Variants in FBXL7 observed in about 807,000 individuals in gnomAD.
FBXL7 encodes the protein F-box/LRR-repeat protein 7.
A neutral mutation model predicts 38.3 loss-of-function variants in FBXL7; 12 were observed. The observed-to-expected ratio is 0.31, with a 90% CI of 0.20 to 0.51. The LOEUF is 0.51. FBXL7 is among the 20% of genes least tolerant of loss of function. FBXL7 has a pLI of 0.98. For missense variants in FBXL7, 567 were observed against 676.4 expected, an observed-to-expected ratio of 0.84 and a Z score of 1.79; for synonymous variants, 297 against 300.9, an observed-to-expected ratio of 0.99 and a Z score of 0.13.
chr5:15,520,578 TTTAG>T (rs1235629625), intron 1 of FBXL7, among the ~76,000 whole-genome samples: 5 of 152,346 alleles, frequency 3.3e-5, no homozygotes, highest in Admixed American at 6.5e-5. Flanking sequence ...ATCCTGTAGT[TTTAG>T]TTAGTTCACT....
intron 1 of FBXL7, among the ~76,000 whole-genome samples, chr5:15,613,187 G>A (rs529842450): frequency 6.6e-6 from 1 of 152,258 alleles, no homozygotes; most frequent in East Asian, 1.9e-4. Flanking sequence ...TAAAGTAATG[G>A]ACTCAAAGAA....
intron 2 of FBXL7, among the ~76,000 whole-genome samples, chr5:15,821,070 C>T (rs1007816858): frequency 6.6e-6 from 1 of 152,108 alleles, no homozygotes; most frequent in African/African-American, 2.4e-5. Flanking sequence ...CAACTTTGCT[C>T]CCCCATCCCA....
chr5:15,767,071 T>C (rs980845698), intron 2 of FBXL7, among the ~76,000 whole-genome samples: 1 of 152,200 alleles, frequency 6.6e-6, no homozygotes, highest in Non-Finnish European at 1.5e-5. Context: ...GGCAAACATG[T>C]GCCATGGTGA....
chr5:15,707,478 C>A (rs1364964573), intron 2 of FBXL7, among the ~76,000 whole-genome samples: 2 of 152,042 alleles, frequency 1.3e-5, no homozygotes, highest in Non-Finnish European at 2.9e-5. Context: ...CTAGCCTGGC[C>A]AGGGCTTTTG....
intron 2 of FBXL7, among the ~76,000 whole-genome samples, chr5:15,927,371 G>A (rs576600360): frequency 1.6e-4 from 25 of 152,138 alleles, no homozygotes; most frequent in Non-Finnish European, 2.5e-4. Flanking sequence ...TGGAATGGGC[G>A]ACACGTGCAT....
intron 1 of FBXL7, among the ~76,000 whole-genome samples, chr5:15,573,619 C>T (rs1051966311): frequency 1.3e-5 from 2 of 152,062 alleles, no homozygotes; most frequent in Admixed American, 1.3e-4. Flanking sequence ...TTGTCTTCCT[C>T]AGGAAAAAAG....
At chr5:15,537,872 A>G (rs1302202386) in intron 1 of FBXL7, among the ~76,000 whole-genome samples, 1 of 152,246 alleles carries the variant, frequency 6.6e-6, no homozygotes, top group Non-Finnish European at 1.5e-5. Context: ...AACTGGTGGT[A>G]TCATTGGATC....
rs376452817 is a variant in FBXL7, at chr5:15,628,347, G to A, written c.127+12275G>A. ...GGTGTAGGAGGATATCCAGGAGGGT[G>A]AAGAAGGAGATGGACCCAAAGAAGA... is the stretch of plus-strand genomic sequence containing the variant. On this transcript the variant is annotated intron_variant, in intron 2 of 3. Coordinates refer to ENST00000504595, the MANE Select transcript of FBXL7 (RefSeq NM_012304.5). 1.5e-4 allele frequency among the ~76,000 whole-genome samples: 23 copies of A among 152,290 alleles called. No individual in the cohort carries two copies. The East Asian group carries it at 3.5e-3, about 23-fold the overall frequency.
chr5:15,898,492 A>G (rs1050277876), intron 2 of FBXL7, among the ~76,000 whole-genome samples: 2 of 152,218 alleles, frequency 1.3e-5, no homozygotes, highest in African/African-American at 4.8e-5. Context: ...CCTGCCTATC[A>G]GTCAGCATTA....
At chr5:15,765,946 G>T (rs1736576018) in intron 2 of FBXL7, among the ~76,000 whole-genome samples, 1 of 152,004 alleles carries the variant, frequency 6.6e-6, no homozygotes, top group Non-Finnish European at 1.5e-5. Flanking sequence ...CGGCTTCCTG[G>T]TTTCAGATAA....
At chr5:15,779,167 G>C (rs1344357448) in intron 2 of FBXL7, among the ~76,000 whole-genome samples, 1 of 152,050 alleles carries the variant, frequency 6.6e-6, no homozygotes, top group Non-Finnish European at 1.5e-5. Context: ...GAGAGTTTCA[G>C]AATGGTGGTT....
chr5:15,705,955 C>T (rs915645021), intron 2 of FBXL7, among the ~76,000 whole-genome samples: 6 of 151,808 alleles, frequency 4.0e-5, no homozygotes, highest in Non-Finnish European at 8.8e-5. Flanking sequence ...AGGGTGAATT[C>T]TAAGGATATA....
chr5:15,680,107 C>T (rs1013905529), intron 2 of FBXL7, among the ~76,000 whole-genome samples: 3 of 152,180 alleles, frequency 2.0e-5, no homozygotes, highest in East Asian at 3.8e-4. Flanking sequence ...CCTTTACATA[C>T]TCACTTCTGC....
At chr5:15,900,857 C>G (rs1362109890) in intron 2 of FBXL7, among the ~76,000 whole-genome samples, 1 of 152,162 alleles carries the variant, frequency 6.6e-6, no homozygotes, top group Non-Finnish European at 1.5e-5. Flanking sequence ...TTCTTTAGAA[C>G]AAGTTTACTT....
chr5:15,923,287 TTTCTACA>T (rs1277712098), intron 2 of FBXL7, among the ~76,000 whole-genome samples: 11 of 152,354 alleles, frequency 7.2e-5, no homozygotes, highest in African/African-American at 2.2e-4. Flanking sequence ...ACACCTGGTC[TTTCTACA>T]TTCTCTTCTG....
At chr5:15,876,845 A>G (rs1333203297) in intron 2 of FBXL7, among the ~76,000 whole-genome samples, 1 of 152,178 alleles carries the variant, frequency 6.6e-6, no homozygotes, top group Non-Finnish European at 1.5e-5. Context: ...TGCAGAATGA[A>G]ACAAATTTAT....
intron 1 of FBXL7, among the ~76,000 whole-genome samples, chr5:15,572,193 T>G (rs1738811284): frequency 6.6e-6 from 1 of 152,230 alleles, no homozygotes; most frequent in African/African-American, 2.4e-5. Context: ...TTAATCTTCC[T>G]GAGGCTTAGT....
At chr5:15,591,949 A>G (rs1208031643) in intron 1 of FBXL7, among the ~76,000 whole-genome samples, 2 of 152,046 alleles carry the variant, frequency 1.3e-5, no homozygotes, top group Non-Finnish European at 2.9e-5. Context: ...TGACCTTGTG[A>G]TCCGCCCGCC....
At position 15,928,537 on chromosome 5, in the gene FBXL7, C is replaced by T; in HGVS notation, c.739+36C>T. 6.3e-7 allele frequency: 1 copy of T among 1,577,052 alleles called. No individual in the cohort carries two copies. Among genetic ancestry groups the T allele is most frequent in the Non-Finnish European group, 8.6e-7 (1 of 1,160,328 alleles). ...ACTGACCTACCAGCTATGGGCCCTC[C>T]TGGTGCACCATCCTAAAACAGTGGG... On this transcript the variant is annotated intron_variant, in intron 3 of 3. Transcript: ENST00000504595. This position sits in a 1 kb window ranked among gnomAD's most constrained non-coding sequence, Gnocchi z 4.0.
Sources: allele counts gnomAD v4.1 joint callset (sites outside exome capture counted in the v4.1 genomes callset), GRCh38; gene constraint gnomAD v4.1.1; non-coding constraint Gnocchi (gnomAD v3.1); transcripts MANE v1.5; gene names NCBI Gene and HGNC (gene_info 2026-07-23, HGNC 2026-07-21).